TSHZ1: variants seen among roughly 807,000 people sequenced by gnomAD.
TSHZ1 encodes the protein teashirt zinc finger homeobox 1.
In TSHZ1, 12 loss-of-function variants were observed where a neutral mutation model predicts 67.1. The ratio of observed to expected loss-of-function variants is 0.18; its 90% CI spans 0.11 to 0.29. TSHZ1 has a LOEUF of 0.29. Among genes scored for constraint, TSHZ1 ranks in the 10% least tolerant of loss-of-function variants. TSHZ1 has a pLI of 1.00. For synonymous variants in TSHZ1, 632 were observed against 622.4 expected (o/e 1.02, Z -0.23); for missense variants, 1,305 against 1,413.9 (o/e 0.92, Z 1.23).
At chr18:75,251,356 T>A (rs1280811714) in intron 1 of TSHZ1, among the ~76,000 whole-genome samples, 1 of 150,572 alleles carries the variant, frequency 6.6e-6, no homozygotes, top group Non-Finnish European at 1.5e-5. Context: ...TTCTTTCTTG[T>A]TTTTTTTTTG....
chr18:75,271,994 T>C (rs1217435270), intron 1 of TSHZ1, among the ~76,000 whole-genome samples: 1 of 152,246 alleles, frequency 6.6e-6, no homozygotes, highest in Non-Finnish European at 1.5e-5. Context: ...GGCGTGATTC[T>C]AACATCTGTC....
chr18:75,260,305 C>G (rs2023415120), intron 1 of TSHZ1, among the ~76,000 whole-genome samples: 1 of 152,232 alleles, frequency 6.6e-6, no homozygotes, highest in African/African-American at 2.4e-5. Context: ...TTTTCCCCAG[C>G]ATTCAGCCTA....
rs777832164 is a variant in TSHZ1 at position 75,285,755 on chromosome 18, C to A, written c.348C>A (p.Ile116=). 2 of 1,614,108 alleles carry A rather than the reference C, an allele frequency of 1.2e-6. No individual in the cohort carries two copies. The highest frequency in any genetic ancestry group is 4.5e-5 in the East Asian group (2 of 44,880). The change falls in exon 2 of 2, where the codon ATC becomes ATA. Residue 116 remains isoleucine (I), a synonymous_variant. Transcript: ENST00000580243. ...VSYPQDSLAQ[I]KAVYANLFSE... ...ACCCCCAGGACAGCCTGGCACAGAT[C>A]AAAGCTGTGTATGCAAACTTGTTCT...
chr18:75,260,663 G>C (rs373863627), intron 1 of TSHZ1, among the ~76,000 whole-genome samples: 1 of 152,204 alleles, frequency 6.6e-6, no homozygotes, highest in East Asian at 1.9e-4. Flanking sequence ...CAGAGTTGGG[G>C]AGGTGAGGGG....
chr18:75,280,202 A>T (rs1477481636), intron 1 of TSHZ1, among the ~76,000 whole-genome samples: 3 of 152,254 alleles, frequency 2.0e-5, no homozygotes, highest in African/African-American at 7.2e-5. Flanking sequence ...ATTGTTGAAG[A>T]TTTAGACCGT....
intron 1 of TSHZ1, among the ~76,000 whole-genome samples, chr18:75,254,346 C>A (rs1400287489): frequency 6.6e-6 from 1 of 152,106 alleles, no homozygotes; most frequent in Admixed American, 6.5e-5. Context: ...CAGAAAATAT[C>A]TTTTTGAAAC....
intron 1 of TSHZ1, among the ~76,000 whole-genome samples, chr18:75,218,206 C>T (rs955909709): frequency 6.6e-6 from 1 of 152,152 alleles, no homozygotes; most frequent in African/African-American, 2.4e-5. Flanking sequence ...ATGAACAGGG[C>T]GAGGGACAAA....
In TSHZ1 at chr18:75,288,745, C is replaced by A; in HGVS notation, c.*104C>A. The stretch of plus-strand genomic sequence containing the variant: ...ATCAGTCTTTCCTTTGTTGCTGGCC[C>A]GCCTCTCTGGACCTTGGTTTTCTTA... On this transcript the variant is annotated 3_prime_UTR_variant, in exon 2 of 2. Coordinates refer to ENST00000580243, the MANE Select transcript of TSHZ1 (RefSeq NM_001308210.2). This position sits in a 1 kb window ranked among gnomAD's most constrained non-coding sequence, Gnocchi z 4.9. 5 of 1,491,064 alleles carry A rather than the reference C, an allele frequency of 3.4e-6. No individual in the cohort carries two copies. The highest frequency in any genetic ancestry group is 4.5e-6 in the Non-Finnish European group (5 of 1,122,588). 92.4% of individuals were successfully genotyped at this position (1,491,064 alleles called of 1,614,324 possible).
intron 1 of TSHZ1, among the ~76,000 whole-genome samples, chr18:75,256,676 A>G (rs1186663334): frequency 6.6e-6 from 1 of 152,218 alleles, no homozygotes; most frequent in Non-Finnish European, 1.5e-5. Flanking sequence ...AATGTGGGGA[A>G]AAATCTCATT....
intron 1 of TSHZ1, among the ~76,000 whole-genome samples, chr18:75,255,239 T>C (rs79629558): frequency 0.012 from 1,895 of 152,236 alleles, 41 homozygotes; most frequent in African/African-American, 0.042. Context: ...TGTTTCAGCA[T>C]ATGTGGGTCT....
At chr18:75,214,823 C>T (rs1451176500) in intron 1 of TSHZ1, among the ~76,000 whole-genome samples, 1 of 152,046 alleles carries the variant, frequency 6.6e-6, no homozygotes, top group Non-Finnish European at 1.5e-5. Flanking sequence ...TTAACAGGCC[C>T]CTAATTATCT....
intron 1 of TSHZ1, among the ~76,000 whole-genome samples, chr18:75,224,324 C>T (rs1024153129): frequency 4.6e-5 from 7 of 152,112 alleles, no homozygotes; most frequent in East Asian, 1.9e-4. Flanking sequence ...TCTTAAATTT[C>T]GCATCGTGAA....
Position 75,285,876 on chromosome 18 carries a change from A to ACCCCCCCCCCCCC in TSHZ1, c.474_475insCCCCCCCCCCCCC (p.Thr159ProfsTer65). On this transcript the variant is annotated frameshift_variant, in exon 2 of 2. Coordinates refer to ENST00000580243, the MANE Select transcript of TSHZ1 (RefSeq NM_001308210.2). LOFTEE classifies it high-confidence loss of function. ...CAGCCAGAAGGAGAGCTCCGCCCCC[A>ACCCCCCCCCCCCC]CCCCCACACCCCCCACCTGCCCCGT... is the stretch of plus-strand genomic sequence containing the variant. The ACCCCCCCCCCCCC allele has an allele frequency of 2.0e-6, 1 of 496,200 alleles. No individual in the cohort carries two copies. The highest frequency in any genetic ancestry group is 4.0e-5 in the South Asian group (1 of 24,764). The allele number at this position is 496,200 out of a possible 1,614,324, so 30.7% of individuals were successfully genotyped here.
intron 1 of TSHZ1, among the ~76,000 whole-genome samples, chr18:75,271,248 G>A (rs943550744): frequency 6.6e-6 from 1 of 152,146 alleles, no homozygotes; most frequent in African/African-American, 2.4e-5. Flanking sequence ...GAAAATGCAA[G>A]TAATGACTAG....
At chr18:75,212,274 G>A (rs1446745924) in intron 1 of TSHZ1, among the ~76,000 whole-genome samples, 2 of 152,172 alleles carry the variant, frequency 1.3e-5, no homozygotes, top group African/African-American at 4.8e-5. Flanking sequence ...CACTGGAAAA[G>A]TCCTCCAAAG....
chr18:75,223,021 G>T (rs972669407), intron 1 of TSHZ1, among the ~76,000 whole-genome samples: 6 of 152,198 alleles, frequency 3.9e-5, no homozygotes, highest in Non-Finnish European at 8.8e-5. Context: ...CACCTGCTCG[G>T]AGTATTCTGT....
chr18:75,278,362 A>G (rs565205363), intron 1 of TSHZ1, among the ~76,000 whole-genome samples: 1 of 152,346 alleles, frequency 6.6e-6, no homozygotes, highest in East Asian at 1.9e-4. Context: ...ACGGAGGCCA[A>G]GGTGCTGGGT....
At position 75,286,804 on chromosome 18, in the gene TSHZ1, A is replaced by G; in HGVS notation, c.1397A>G (p.Gln466Arg). 1 of 1,613,856 alleles carries G rather than the reference A, an allele frequency of 6.2e-7. No individual in the cohort carries two copies. The highest frequency in any genetic ancestry group is 2.2e-5 in the East Asian group (1 of 44,874). Residue 466 changes from glutamine to arginine, a missense_variant, in exon 2 of 2, where the codon CAG becomes CGG. Gln to Arg is a conservative substitution (Grantham distance 43). Transcript: ENST00000580243. The surrounding 1 kb of genome is among the most constrained non-coding windows in gnomAD (Gnocchi z 5.1). Reference sequence around the variant, plus strand: ...GACCCTGTGGTGGAAGAGAAGATCCAGTCCATCCCACTACCGCCCACCACC... The same window carrying G: ...GACCCTGTGGTGGAAGAGAAGATCCGGTCCATCCCACTACCGCCCACCACC... Reference protein sequence around the residue: ...VLDPVVEEKIQSIPLPPTTHT... With the variant: ...VLDPVVEEKIRSIPLPPTTHT...
At chr18:75,219,610 A>G (rs967356172) in intron 1 of TSHZ1, among the ~76,000 whole-genome samples, 1 of 152,196 alleles carries the variant, frequency 6.6e-6, no homozygotes, top group Admixed American at 6.5e-5. Context: ...TTTGCTACAG[A>G]CTTAGATTAA....
Sources: gnomAD v4.1 joint callset for allele counts (sites outside exome capture counted in the v4.1 genomes callset) on GRCh38, gnomAD v4.1.1 for gene constraint, Gnocchi (gnomAD v3.1) non-coding constraint, MANE v1.5 for transcripts, NCBI Gene and HGNC (gene_info 2026-07-23, HGNC 2026-07-21) for gene names.